Variants in EIF2AK4 observed in about 807,000 individuals in gnomAD.
EIF2AK4 encodes eIF-2-alpha kinase GCN2.
EIF2AK4 carries 139 observed loss-of-function variants against 211.1 expected under a neutral mutation model. The observed-to-expected ratio is 0.66, with a 90% CI of 0.57 to 0.76. The LOEUF is 0.76. Ranked by LOEUF, EIF2AK4 falls within the 30% of genes least tolerant of loss-of-function variation. The pLI is 0.00. For synonymous variants in EIF2AK4, 710 were observed against 751.3 expected (o/e 0.94, Z 0.90); for missense variants, 1,664 against 2,043.8 (o/e 0.81, Z 3.58).
chr15:39,959,339 T>C (rs1429214297), intron 6 of EIF2AK4, among the ~76,000 whole-genome samples: 1 of 152,248 alleles, frequency 6.6e-6, no homozygotes, highest in East Asian at 1.9e-4. Flanking sequence ...ATGAATCTTT[T>C]TGGCGAAAAC....
intron 29 of EIF2AK4, among the ~76,000 whole-genome samples, chr15:40,017,540 T>C (rs1355816056): frequency 2.8e-5 from 3 of 105,370 alleles, no homozygotes; most frequent in African/African-American, 1.3e-4. Context: ...TATATATATA[T>C]ATATATATAT....
intron 6 of EIF2AK4, among the ~76,000 whole-genome samples, chr15:39,958,632 C>T (rs947306655): frequency 1.3e-5 from 2 of 152,146 alleles, no homozygotes; most frequent in South Asian, 2.1e-4. Flanking sequence ...TCAAATTAAA[C>T]AATATCAGGA....
chr15:39,965,795 A>G lies in EIF2AK4; in HGVS notation c.969A>G (p.Pro323=), dbSNP rs763123821. 6.8e-6 allele frequency: 11 copies of G among 1,614,010 alleles called. No individual in the cohort carries two copies. In the Admixed American group the frequency reaches 1.0e-4, roughly 15 times the overall value. Residue 323 remains proline (P), a synonymous_variant, in exon 8 of 39, where the codon CCA becomes CCG. Transcript: ENST00000263791. The part of the protein sequence containing the change: ...WVLQWQKKMG[P]FLTSQEKEKI... ...TTCAGTGGCAGAAAAAAATGGGTCC[A>G]TTCCTTACCAGTCAAGAAAAAGAGA...
At chr15:40,034,305 T>C (rs2035584273) in intron 37 of EIF2AK4, 21 bp from the exon 38 acceptor site, 2 of 1,601,966 alleles carry the variant, frequency 1.2e-6, no homozygotes, top group Admixed American at 1.7e-5. Flanking sequence ...TGTTGTTAAG[T>C]CTTATCTATT....
intron 6 of EIF2AK4, among the ~76,000 whole-genome samples, chr15:39,958,958 T>G (rs1029186890): frequency 2.0e-5 from 3 of 152,232 alleles, no homozygotes; most frequent in Non-Finnish European, 4.4e-5. Context: ...AGCTCCTAGC[T>G]GCCTAATTTA....
At chr15:40,032,137 C>T (rs916025923) in intron 35 of EIF2AK4, 32 bp from the exon 36 acceptor site, 2 of 1,562,642 alleles carry the variant, frequency 1.3e-6, no homozygotes, top group Non-Finnish European at 8.8e-7. Flanking sequence ...CTTGGTTTAA[C>T]ATGTTCTGAA....
At chr15:40,000,648 T>A (rs899926507) in intron 20 of EIF2AK4, among the ~76,000 whole-genome samples, 2 of 152,228 alleles carry the variant, frequency 1.3e-5, no homozygotes, top group African/African-American at 4.8e-5. Flanking sequence ...TAAAGCTATT[T>A]GTTTTATCTT....
chr15:40,033,607 C>T (rs185538594), intron 37 of EIF2AK4, among the ~76,000 whole-genome samples: 9 of 152,282 alleles, frequency 5.9e-5, no homozygotes, highest in Admixed American at 5.9e-4. Context: ...AGCCCTAGAA[C>T]TAGTATTTTA....
intron 13 of EIF2AK4, among the ~76,000 whole-genome samples, chr15:39,979,941 G>T (rs2034757502): frequency 6.6e-6 from 1 of 152,154 alleles, no homozygotes; most frequent in South Asian, 2.1e-4. Context: ...AGAGGGGAGG[G>T]GAAGGCGCAA....
intron 3 of EIF2AK4, among the ~76,000 whole-genome samples, chr15:39,943,705 T>C (rs1292465397): frequency 1.3e-5 from 2 of 152,184 alleles, no homozygotes; most frequent in Non-Finnish European, 2.9e-5. Context: ...GGCTCACACT[T>C]GTAATTCCAG....
intron 25 of EIF2AK4, 122 bp from the exon 26 acceptor site, chr15:40,009,492 C>A: frequency 1.6e-6 from 1 of 615,622 alleles, no homozygotes; most frequent in Non-Finnish European, 2.8e-6. Context: ...ACTAGGAAGC[C>A]ATATGCTAAA....
chr15:39,985,937 C>T (rs757799217), intron 14 of EIF2AK4, 49 bp downstream of exon 14: 83 of 1,534,532 alleles, frequency 5.4e-5, no homozygotes, highest in East Asian at 2.3e-4. Flanking sequence ...CCAGTAGTGG[C>T]GGGTGGGCCT....
At chr15:39,952,967 C>G (rs368639834) in intron 4 of EIF2AK4, among the ~76,000 whole-genome samples, 54 of 152,280 alleles carry the variant, frequency 3.5e-4, no homozygotes, top group African/African-American at 1.3e-3. Flanking sequence ...CCTGCCTCAG[C>G]CTCCCGAGTA....
At chr15:40,001,296 A>G (rs2035087715) in intron 21 of EIF2AK4, 72 bp downstream of exon 21, 2 of 1,442,406 alleles carry the variant, frequency 1.4e-6, no homozygotes, top group Non-Finnish European at 1.9e-6. Flanking sequence ...TTTCTCACAG[A>G]TTCTTTTAAT....
intron 24 of EIF2AK4, among the ~76,000 whole-genome samples, chr15:40,007,698 C>A (rs2035179929): frequency 6.6e-6 from 1 of 152,180 alleles, no homozygotes; most frequent in Non-Finnish European, 1.5e-5. Context: ...ATTCTAGCTA[C>A]AAGTGAATAA....
At chr15:39,936,429 T>C (rs999508999) in intron 1 of EIF2AK4, among the ~76,000 whole-genome samples, 1 of 152,190 alleles carries the variant, frequency 6.6e-6, no homozygotes. Flanking sequence ...AAACTCTTTA[T>C]TGAGAGGGAG....
At position 39,976,718 on chromosome 15, in the gene EIF2AK4, C is replaced by T; in HGVS notation, c.2123C>T (p.Ser708Leu). ...GCGCCGCCACCCATCCTCAGCAGCT[C>T]GGTGGAGTGGAGCACTTCGGGCGAG... ...AAAPPPILSSSVEWSTSGERS... is the reference protein window; with the variant it reads ...AAAPPPILSSLVEWSTSGERS... The change falls in exon 12 of 39, where the codon TCG becomes TTG. Residue 708 changes from serine (S) to leucine (L), a missense_variant. This residue lies in a region of EIF2AK4 where 206 missense variants were observed against 201.9 expected (regional missense o/e 1.02). Transcript: ENST00000263791. 1 of 1,602,996 alleles carries T rather than the reference C, an allele frequency of 6.2e-7. No homozygotes were observed. The highest frequency in any genetic ancestry group is 8.5e-7 in the Non-Finnish European group (1 of 1,177,758).
chr15:40,002,650 A>G, intron 21 of EIF2AK4, 63 bp from the exon 22 acceptor site: 1 of 1,558,352 alleles, frequency 6.4e-7, no homozygotes, highest in Non-Finnish European at 8.9e-7. Flanking sequence ...GCCACAGATT[A>G]ATATTTTAAA....
chr15:39,941,719 C>T (rs1319847710), intron 2 of EIF2AK4, among the ~76,000 whole-genome samples: 2 of 152,074 alleles, frequency 1.3e-5, no homozygotes, highest in African/African-American at 4.8e-5. Flanking sequence ...TTGTGGGGTC[C>T]TTCCTGGGCA....
Sources: allele counts gnomAD v4.1 joint callset (sites outside exome capture counted in the v4.1 genomes callset), GRCh38; gene constraint gnomAD v4.1.1; regional missense constraint gnomAD v4.1.1; transcripts MANE v1.5; gene names NCBI Gene and HGNC (gene_info 2026-07-23, HGNC 2026-07-21).